The following SLC24A1 variants were observed in gnomAD, a reference collection of about 807,000 sequenced individuals.
The protein encoded by SLC24A1 is solute carrier family 24 member 1, also known as sodium/potassium/calcium exchanger 1.
A neutral mutation model predicts 88.1 loss-of-function variants in SLC24A1; 52 were observed. The ratio of observed to expected loss-of-function variants is 0.59; its 90% CI spans 0.47 to 0.74. SLC24A1 has a LOEUF of 0.74. SLC24A1 is among the 30% of genes least tolerant of loss of function. The pLI is 0.00. For missense variants in SLC24A1, 1,173 were observed against 1,363.3 expected (o/e 0.86, Z 2.20); for synonymous variants, 455 against 498.0 (o/e 0.91, Z 1.15).
chr15:65,624,015 T>C lies in SLC24A1; in HGVS notation c.-66T>C. 1 of 1,415,222 alleles carries C rather than the reference T, an allele frequency of 7.1e-7. No individual in the cohort carries two copies. The highest frequency in any genetic ancestry group is 9.6e-7 in the Non-Finnish European group (1 of 1,044,844). The allele number at this position is 1,415,222 out of a possible 1,614,324, so 87.7% of individuals were successfully genotyped here. A position where few individuals can be genotyped will look rare whatever the true frequency, so the allele number is the denominator to read the frequency against. ...AATCTTCTCTGATCACCAACCTGAA[T>C]CCCAGAGTAGCCTCCATCTTAGGAC... On this transcript the variant is annotated 5_prime_UTR_variant, in exon 2 of 10. Transcript: ENST00000261892.
rs1205071895 is a variant in SLC24A1, at chr15:65,650,668, A to G, written c.2519A>G (p.Glu840Gly). The G allele has an allele frequency of 4.5e-6, 7 of 1,547,014 alleles. No individual in the cohort carries two copies. The highest frequency in any genetic ancestry group is 6.1e-6 in the Non-Finnish European group (7 of 1,143,884). Residue 840 changes from glutamate to glycine, a missense_variant, in exon 7 of 10, where the codon GAA becomes GGA. By Grantham distance (98) the Glu-to-Gly change is moderately conservative. Transcript: ENST00000261892. This position sits in a 1 kb window ranked among gnomAD's most constrained non-coding sequence, Gnocchi z 4.1. ...SQELSAENHG[E>G]AKNDEKGVED... The stretch of plus-strand genomic sequence containing the variant: ...GAACTCAGTGCTGAAAATCACGGTG[A>G]AGCCAAAAATGATGAGAAAGGTGTA...
exon 1 of SLC24A1, chr15:65,611,519 A>G: frequency 6.2e-6 from 2 of 322,958 alleles, no homozygotes; most frequent in Non-Finnish European, 1.2e-5. Context: ...TTGTCCCCTC[A>G]CTCCCCTGGG....
rs1167767399 is a variant in SLC24A1, at chr15:65,622,084, G to C, written c.-135G>C. Reference sequence around the variant, plus strand: ...AGCTGAGAAGACAGCCAGATGTCAAGGTCTGAAGGTAAATGATGTAATTAG... The same window carrying C: ...AGCTGAGAAGACAGCCAGATGTCAACGTCTGAAGGTAAATGATGTAATTAG... On this transcript the variant is annotated 5_prime_UTR_variant, in exon 1 of 10. Transcript: ENST00000261892. 2 of 152,250 alleles carry C rather than the reference G, an allele frequency of 1.3e-5. No individual in the cohort carries two copies. Among genetic ancestry groups the C allele is most frequent in the Non-Finnish European group, 2.9e-5 (2 of 68,068 alleles). 9.4% of individuals were successfully genotyped at this position (152,250 alleles called of 1,614,324 possible). A position where few individuals can be genotyped will look rare whatever the true frequency, so the allele number is the denominator to read the frequency against.
chr15:65,626,672 T>C (rs1360296272), intron 2 of SLC24A1, among the ~76,000 whole-genome samples: 1 of 152,172 alleles, frequency 6.6e-6, no homozygotes, highest in Non-Finnish European at 1.5e-5. Flanking sequence ...TAAGTTCCTT[T>C]CCAAGAACTT....
chr15:65,636,089 G>T (rs2074924033), intron 2 of SLC24A1, among the ~76,000 whole-genome samples: 1 of 152,200 alleles, frequency 6.6e-6, no homozygotes, highest in African/African-American at 2.4e-5. Context: ...ATGGAGGTTG[G>T]TGGGGTGAGG....
At chr15:65,632,607 GA>G (rs1238421997) in intron 2 of SLC24A1, among the ~76,000 whole-genome samples, 3 of 152,188 alleles carry the variant, frequency 2.0e-5, no homozygotes, top group Non-Finnish European at 4.4e-5. Context: ...ATGCTACTCT[GA>G]AAGACAGATA....
chr15:65,630,676 T>C (rs1192628763), intron 2 of SLC24A1, among the ~76,000 whole-genome samples: 1 of 152,224 alleles, frequency 6.6e-6, no homozygotes, highest in Admixed American at 6.5e-5. Context: ...TCATAAAATT[T>C]TCTTAATCTT....
chr15:65,626,744 T>G (rs545082287), intron 2 of SLC24A1, among the ~76,000 whole-genome samples: 50 of 152,280 alleles, frequency 3.3e-4, no homozygotes, highest in African/African-American at 1.2e-3. Context: ...CCTGAAAGAT[T>G]ATTAATTGCA....
intron 2 of SLC24A1, among the ~76,000 whole-genome samples, chr15:65,634,950 A>G (rs544995508): frequency 6.6e-6 from 1 of 152,266 alleles, no homozygotes; most frequent in East Asian, 1.9e-4. Context: ...TCTATTTCAC[A>G]GAGTTGGTCG....
chr15:65,613,024 G>A (rs2074017825), intron 2 of SLC24A1, among the ~76,000 whole-genome samples: 1 of 152,208 alleles, frequency 6.6e-6, no homozygotes, highest in South Asian at 2.1e-4. Context: ...GTTGTTCAGT[G>A]ACTATAACAT....
In SLC24A1 at chr15:65,624,175, T is replaced by A. The variant is rs1566945534; in HGVS notation, c.95T>A (p.Leu32Ter). 1.9e-6 allele frequency: 3 copies of A among 1,613,900 alleles called. No individual in the cohort carries two copies. The highest frequency in any genetic ancestry group is 1.6e-4 in the Middle Eastern group (1 of 6,062). The change falls in exon 2 of 10, where the codon TTG (leucine) becomes TAG (stop). Residue 32 changes from leucine to a stop codon, truncating the protein, a stop_gained. Transcript: ENST00000261892. LOFTEE classifies it high-confidence loss of function. ...WSRLLFLLGM[L>*]IIGSTYQHLR... ...CGCCTCCTCTTCTTACTGGGAATGT[T>A]GATCATCGGTTCTACTTATCAGCAC... is the stretch of plus-strand genomic sequence containing the variant.
At chr15:65,645,167 A>T (rs2075262665) in intron 5 of SLC24A1, among the ~76,000 whole-genome samples, 1 of 152,166 alleles carries the variant, frequency 6.6e-6, no homozygotes, top group South Asian at 2.1e-4. Flanking sequence ...GAAGTGAGAG[A>T]ACCTGTACCT....
chr15:65,639,725 C>A, intron 4 of SLC24A1, 22 bp downstream of exon 4: 1 of 1,532,058 alleles, frequency 6.5e-7, no homozygotes, highest in Non-Finnish European at 9.0e-7. Context: ...CTCTCCAGAC[C>A]TTTGTGGTTT....
chr15:65,624,116 G>GT lies in SLC24A1; in HGVS notation c.37dup (p.Trp13LeufsTer30). 1 of 1,610,392 alleles carries GT rather than the reference G, an allele frequency of 6.2e-7. No individual in the cohort carries two copies. Among genetic ancestry groups the GT allele is most frequent in the Non-Finnish European group, 8.5e-7 (1 of 1,178,520 alleles). ...TGATCAGGATGGGGCCGCAAGAGAG[G>GT]TGGTTACTCCGGACAAAGCGGCTTC... On this transcript the variant is annotated frameshift_variant, in exon 2 of 10. Transcript: ENST00000261892. LOFTEE classifies it high-confidence loss of function.
At chr15:65,660,217 G>A, downstream of SLC24A1, 3 of 1,300,470 alleles carry the variant, frequency 2.3e-6, no homozygotes, top group Non-Finnish European at 3.2e-6. Context: ...TTTCAAGTAA[G>A]CAAGTTCAGC....
chr15:65,639,791 T>C, intron 4 of SLC24A1, 88 bp downstream of exon 4: 1 of 844,906 alleles, frequency 1.2e-6, no homozygotes, highest in Non-Finnish European at 2.0e-6. Flanking sequence ...CTGAAAATCC[T>C]AGAGGCAGTG....
chr15:65,634,534 G>A (rs1196674202), intron 2 of SLC24A1, among the ~76,000 whole-genome samples: 1 of 152,100 alleles, frequency 6.6e-6, no homozygotes, highest in Non-Finnish European at 1.5e-5. Flanking sequence ...TTGTGAAAAG[G>A]GCATGTTCAG....
Position 65,643,370 on chromosome 15 carries a change from T to A in SLC24A1, c.2054-1057T>A, listed in dbSNP as rs530135766. On this transcript the variant is annotated intron_variant, in intron 4 of 9. Transcript: ENST00000261892. ...GTCTCATGGATCCTCATCACATCAGTCCCCTGAGGATATGACGGTATTGCC... is the reference window on the plus strand; with the variant it reads ...GTCTCATGGATCCTCATCACATCAGACCCCTGAGGATATGACGGTATTGCC... Among the ~76,000 whole-genome samples, 3 of 152,274 alleles carry A rather than the reference T, an allele frequency of 2.0e-5. No individual in the cohort carries two copies. In the East Asian group the frequency reaches 5.8e-4, roughly 29 times the overall value.
In SLC24A1 at chr15:65,625,313, C is replaced by G. The variant is rs753449301; in HGVS notation, c.1233C>G (p.Leu411=). Residue 411 remains leucine, a synonymous_variant, in exon 2 of 10, where the codon CTC becomes CTG. Transcript: ENST00000261892. The stretch of plus-strand genomic sequence containing the variant: ...TGCTCACCACTCCCTCCCCAAGCCT[C>G]ACAACAGCCCTGCTCCCAGAGGAGC... ...PAMLTTPSPS[L]TTALLPEELS... is the part of the protein sequence containing the mutation. 1 of 1,614,012 alleles carries G rather than the reference C, an allele frequency of 6.2e-7. No individual in the cohort carries two copies. Among genetic ancestry groups the G allele is most frequent in the Admixed American group, 1.7e-5 (1 of 60,028 alleles).
Sources: gnomAD v4.1 joint callset for allele counts (sites outside exome capture counted in the v4.1 genomes callset) on GRCh38, gnomAD v4.1.1 for gene constraint, Gnocchi (gnomAD v3.1) non-coding constraint, MANE v1.5 for transcripts, NCBI Gene and HGNC (gene_info 2026-07-23, HGNC 2026-07-21) for gene names.